RTN3: variants seen among roughly 807,000 people sequenced by gnomAD.
RTN3 encodes reticulon-3.
A neutral mutation model predicts 77.8 loss-of-function variants in RTN3; 49 were observed. That is an observed-to-expected ratio of 0.63 (90% CI 0.50 to 0.80). The LOEUF is 0.80. RTN3 is among the 30% of genes least tolerant of loss of function. RTN3 has a pLI of 0.00. For missense variants in RTN3, 1,236 were observed against 1,211.9 expected (o/e 1.02, Z -0.29); for synonymous variants, 464 against 446.9 (o/e 1.04, Z -0.48).
intron 3 of RTN3, among the ~76,000 whole-genome samples, chr11:63,722,961 C>A (rs548716507): frequency 3.3e-5 from 5 of 152,320 alleles, no homozygotes; most frequent in African/African-American, 1.2e-4. Flanking sequence ...ACTCCAGTGT[C>A]TAATTCTGGC....
chr11:63,734,604 C>T (rs1365134434), intron 3 of RTN3, among the ~76,000 whole-genome samples: 2 of 151,426 alleles, frequency 1.3e-5, no homozygotes, highest in African/African-American at 4.8e-5. Context: ...TGGTGGCACA[C>T]ACCTGTAATC....
intron 3 of RTN3, among the ~76,000 whole-genome samples, chr11:63,731,456 T>G (rs1400340755): frequency 6.6e-6 from 1 of 152,122 alleles, no homozygotes; most frequent in East Asian, 1.9e-4. Context: ...AATGAAGATA[T>G]CTATGATGAA....
chr11:63,708,544 G>A (rs1453595400), intron 2 of RTN3, among the ~76,000 whole-genome samples: 2 of 152,116 alleles, frequency 1.3e-5, no homozygotes, highest in African/African-American at 4.8e-5. Flanking sequence ...TCAGGTAGAT[G>A]CATGTATAAA....
At chr11:63,708,302 C>T (rs1942592198) in intron 2 of RTN3, among the ~76,000 whole-genome samples, 1 of 151,916 alleles carries the variant, frequency 6.6e-6, no homozygotes, top group South Asian at 2.1e-4. Context: ...TTTTTATATA[C>T]CCCAATCATA....
chr11:63,753,625 A>G (rs1270433407), intron 6 of RTN3, 37 bp from the exon 7 acceptor site: 5 of 1,593,934 alleles, frequency 3.1e-6, no homozygotes, highest in East Asian at 2.2e-5. Flanking sequence ...ACTGTCTCTC[A>G]TATACACTTG....
chr11:63,747,122 G>A (rs2013843593), intron 3 of RTN3: 1 of 420,624 alleles, frequency 2.4e-6, no homozygotes, highest in Non-Finnish European at 4.9e-6. Flanking sequence ...TTGGTCTGGT[G>A]TTTTCTGATT....
intron 4 of RTN3, 73 bp downstream of exon 4, chr11:63,750,271 T>C: frequency 7.9e-7 from 1 of 1,265,122 alleles, no homozygotes. Context: ...GGTCTAAAAC[T>C]CAGACCTGAC....
intron 6 of RTN3, 30 bp from the exon 7 acceptor site, chr11:63,753,632 C>T (rs749180565): frequency 1.2e-6 from 2 of 1,605,084 alleles, no homozygotes; most frequent in Non-Finnish European, 1.7e-6. Context: ...CTCATATACA[C>T]TTGCCATGTC....
intron 2 of RTN3, among the ~76,000 whole-genome samples, chr11:63,708,552 A>T (rs76965245): frequency 2.6e-4 from 40 of 152,338 alleles, no homozygotes; most frequent in Admixed American, 1.8e-3. Flanking sequence ...ATGCATGTAT[A>T]AAAAATGTCA....
intron 3 of RTN3, among the ~76,000 whole-genome samples, chr11:63,749,466 A>C (rs2013985523): frequency 6.6e-6 from 1 of 152,120 alleles, no homozygotes; most frequent in Admixed American, 6.6e-5. Context: ...GGGCAAAATT[A>C]GCTTTGGTTT....
Position 63,681,741 on chromosome 11 carries a change from C to A in RTN3, c.105C>A (p.Pro35=), listed in dbSNP as rs371351138. The A allele has an allele frequency of 2.3e-5, 37 of 1,606,440 alleles. No individual in the cohort carries two copies. Among genetic ancestry groups the A allele is most frequent in the Non-Finnish European group, 3.1e-5 (37 of 1,177,908 alleles). ...GCGGCGGGAGCCCAGGAGCCTGCCC[C>A]GCCCTGGGGACGAAGAGCTGCAGCT... is the stretch of plus-strand genomic sequence containing the variant. ...PGGGGSPGAC[P]ALGTKSCSSS... Residue 35 remains proline (P), a synonymous_variant, in exon 1 of 9, where the codon CCC becomes CCA. Coordinates refer to ENST00000377819, the MANE Select transcript of RTN3 (RefSeq NM_001265589.2).
At chr11:63,728,681 A>G (rs2134954588) in intron 3 of RTN3, among the ~76,000 whole-genome samples, 1 of 152,308 alleles carries the variant, frequency 6.6e-6, no homozygotes, top group Admixed American at 6.5e-5. Context: ...CAAGGTCAGG[A>G]GTTCGAGACC....
chr11:63,707,736 A>G (rs898932932), intron 2 of RTN3, among the ~76,000 whole-genome samples: 3 of 152,278 alleles, frequency 2.0e-5, no homozygotes, highest in African/African-American at 7.2e-5. Flanking sequence ...CGGGAGGCTG[A>G]GGCAGGAGAA....
At chr11:63,729,624 A>AT (rs1296730752) in intron 3 of RTN3, among the ~76,000 whole-genome samples, 6 of 149,940 alleles carry the variant, frequency 4.0e-5, no homozygotes, top group African/African-American at 9.8e-5. Context: ...CACCTAGCTA[A>AT]TTTTTTTATT....
At chr11:63,739,366 C>G (rs2013328222) in intron 3 of RTN3, among the ~76,000 whole-genome samples, 1 of 152,090 alleles carries the variant, frequency 6.6e-6, no homozygotes, top group Non-Finnish European at 1.5e-5. Context: ...TTTTCCAGTA[C>G]CTTTTGAACT....
intron 2 of RTN3, among the ~76,000 whole-genome samples, chr11:63,705,928 TG>T (rs1442883268): frequency 1.3e-5 from 2 of 152,264 alleles, no homozygotes; most frequent in African/African-American, 4.8e-5. Context: ...TCATTCGTGC[TG>T]TTTTTACTAG....
intron 2 of RTN3, among the ~76,000 whole-genome samples, chr11:63,713,813 G>A (rs79217635): frequency 8.1e-4 from 123 of 152,330 alleles, no homozygotes; most frequent in African/African-American, 2.9e-3. Context: ...CTCTTAGAGT[G>A]CATGTGAAGG....
At chr11:63,682,310 G>A (rs929253223) in intron 1 of RTN3, among the ~76,000 whole-genome samples, 2 of 152,218 alleles carry the variant, frequency 1.3e-5, no homozygotes, top group African/African-American at 4.8e-5. Context: ...TTTAATGGAA[G>A]CATTGTAGCC....
At chr11:63,700,866 C>T (rs960191247) in intron 1 of RTN3, among the ~76,000 whole-genome samples, 50 of 151,724 alleles carry the variant, frequency 3.3e-4, no homozygotes, top group South Asian at 2.1e-3. Flanking sequence ...CTGAGGCGTG[C>T]GGATCACGAG....
Sources: gnomAD v4.1 joint callset for allele counts (sites outside exome capture counted in the v4.1 genomes callset) on GRCh38, gnomAD v4.1.1 for gene constraint, MANE v1.5 for transcripts, NCBI Gene and HGNC (gene_info 2026-07-23, HGNC 2026-07-21) for gene names.